Variants in YWHAQ observed in about 807,000 individuals in gnomAD.
YWHAQ encodes the protein tyrosine 3-monooxygenase/tryptophan 5-monooxygenase activation protein theta, also known as 14-3-3 protein theta.
In YWHAQ, 6 loss-of-function variants were observed where a neutral mutation model predicts 28.3. The observed-to-expected ratio is 0.21, with a 90% confidence interval of 0.12 to 0.42. The LOEUF is 0.42. Among genes scored for constraint, YWHAQ ranks in the 10% least tolerant of loss-of-function variants. The pLI, the probability that YWHAQ is intolerant of heterozygous loss-of-function variation, is 1.00. For synonymous variants in YWHAQ, 143 were observed against 119.1 expected (o/e 1.20, Z -1.31); for missense variants, 201 against 305.6 (o/e 0.66, Z 2.55).
rs376453415 is a variant in YWHAQ, at chr2:9,585,239, T to A, written c.*47A>T. On this transcript the variant is annotated 3_prime_UTR_variant, in exon 6 of 6. Transcript: ENST00000238081. ...CCAAGTGGAATAAGGAATGGAGATG[T>A]GTAAAAAGGTTTCTTGAAGGAAAGA... The A allele has an allele frequency of 9.4e-6, 15 of 1,601,774 alleles. No homozygotes were observed. The African/African-American group carries it at 1.9e-4, about 20-fold the overall frequency.
rs1666310380 is a variant in YWHAQ, at chr2:9,584,749, T to C, written c.*537A>G. ...ATGTGATACAGGAGCCATTTCAATT[T>C]GTGACCCCTAGACAGAGATGGCAAG... On this transcript the variant is annotated 3_prime_UTR_variant, in exon 6 of 6. Coordinates refer to ENST00000238081, the MANE Select transcript of YWHAQ (RefSeq NM_006826.4). 1 of 153,040 alleles carries C rather than the reference T, an allele frequency of 6.5e-6. No homozygotes were observed. Among genetic ancestry groups the C allele is most frequent in the Admixed American group, 6.5e-5 (1 of 15,326 alleles). 9.5% of individuals were successfully genotyped at this position (153,040 alleles called of 1,614,324 possible). A position where few individuals can be genotyped will look rare whatever the true frequency, so the allele number is the denominator to read the frequency against.
At chr2:9,619,595 A>C (rs1313931838) in intron 2 of YWHAQ, among the ~76,000 whole-genome samples, 1 of 152,140 alleles carries the variant, frequency 6.6e-6, no homozygotes, top group African/African-American at 2.4e-5. Context: ...ATGTAAAAAA[A>C]TTAAAAATAT....
At chr2:9,608,431 C>T (rs1043522826) in intron 2 of YWHAQ, among the ~76,000 whole-genome samples, 1 of 152,104 alleles carries the variant, frequency 6.6e-6, no homozygotes, top group Non-Finnish European at 1.5e-5. Flanking sequence ...TTTGGGGGTG[C>T]AGTCTCCCAT....
chr2:9,599,525 A>G (rs1666645534), intron 2 of YWHAQ, among the ~76,000 whole-genome samples: 2 of 152,216 alleles, frequency 1.3e-5, no homozygotes, highest in African/African-American at 4.8e-5. Flanking sequence ...CTCATTTAGC[A>G]TTCCAAAAAT....
At chr2:9,607,146 G>A in intron 2 of YWHAQ, among the ~76,000 whole-genome samples, 1 of 151,718 alleles carries the variant, frequency 6.6e-6, no homozygotes, top group East Asian at 1.9e-4. Flanking sequence ...CTTCCAAAGT[G>A]CTGGGATTAC....
intron 4 of YWHAQ, 130 bp downstream of exon 4, chr2:9,588,035 A>G: frequency 8.6e-7 from 1 of 1,160,806 alleles, no homozygotes; most frequent in Non-Finnish European, 1.2e-6. Flanking sequence ...TGGGAAGAAA[A>G]AGAGGAGATT....
intron 2 of YWHAQ, among the ~76,000 whole-genome samples, chr2:9,609,993 A>C (rs572230084): frequency 3.9e-4 from 60 of 152,336 alleles, no homozygotes; most frequent in African/African-American, 1.4e-3. Context: ...AGAAGTATGA[A>C]GAGGACACGT....
At chr2:9,607,900 C>T (rs539444574) in intron 2 of YWHAQ, among the ~76,000 whole-genome samples, 12 of 151,632 alleles carry the variant, frequency 7.9e-5, no homozygotes, top group Admixed American at 2.0e-4. Flanking sequence ...TTAGTAGAGA[C>T]GGGGTTTTCG....
chr2:9,623,379 C>T (rs907020042), intron 2 of YWHAQ, among the ~76,000 whole-genome samples: 2 of 152,234 alleles, frequency 1.3e-5, no homozygotes, highest in Admixed American at 6.5e-5. Flanking sequence ...AATTCCACTT[C>T]GAGAACTTAA....
intron 2 of YWHAQ, among the ~76,000 whole-genome samples, chr2:9,598,645 C>A (rs7569485): frequency 6.6e-6 from 1 of 151,884 alleles, no homozygotes; most frequent in Non-Finnish European, 1.5e-5. Flanking sequence ...TGGTCATTAA[C>A]GTTACTACTG....
Position 9,585,735 on chromosome 2 carries a change from C to T in YWHAQ, c.679-390G>A, listed in dbSNP as rs146402221. ...GCCTGGACAACATAGCAAGATCCCA[C>T]GTCTACAAAAAATTTCAAAAACAAA... On this transcript the variant is annotated intron_variant, in intron 5 of 5. Coordinates refer to ENST00000238081, the MANE Select transcript of YWHAQ (RefSeq NM_006826.4). Among the ~76,000 whole-genome samples, 322 of 152,080 alleles carry T rather than the reference C, an allele frequency of 2.1e-3. 2 individuals are homozygous for T. The highest frequency in any genetic ancestry group is 7.4e-3 in the African/African-American group (307 of 41,494).
chr2:9,623,616 A>C (rs1374348653), intron 2 of YWHAQ, among the ~76,000 whole-genome samples: 1 of 152,116 alleles, frequency 6.6e-6, no homozygotes, highest in Non-Finnish European at 1.5e-5. Context: ...TCTACTAAAA[A>C]TACAAAATTA....
intron 2 of YWHAQ, among the ~76,000 whole-genome samples, chr2:9,607,816 A>C (rs1304657149): frequency 6.6e-6 from 1 of 151,050 alleles, no homozygotes; most frequent in Non-Finnish European, 1.5e-5. Flanking sequence ...GGTTCAAGCA[A>C]TTCTCCTGCC....
chr2:9,586,596 C>T (rs2125061307), intron 5 of YWHAQ, among the ~76,000 whole-genome samples: 2 of 152,280 alleles, frequency 1.3e-5, no homozygotes, highest in Admixed American at 1.3e-4. Context: ...CCCTCACAAC[C>T]ACAGGCACTT....
At chr2:9,617,458 G>A (rs748674399) in intron 2 of YWHAQ, among the ~76,000 whole-genome samples, 4 of 152,120 alleles carry the variant, frequency 2.6e-5, no homozygotes, top group African/African-American at 7.2e-5. Context: ...GGTTGCCAGC[G>A]GGGAATGGAG....
At chr2:9,622,864 T>A (rs746957243) in intron 2 of YWHAQ, among the ~76,000 whole-genome samples, 22 of 152,254 alleles carry the variant, frequency 1.4e-4, no homozygotes, top group Non-Finnish European at 2.9e-4. Context: ...TAGCAATGGA[T>A]AAACTTTGCT....
At chr2:9,616,894 A>T (rs1347863426) in intron 2 of YWHAQ, among the ~76,000 whole-genome samples, 3 of 152,236 alleles carry the variant, frequency 2.0e-5, no homozygotes, top group Non-Finnish European at 2.9e-5. Flanking sequence ...TTAACAGCCT[A>T]AAGGTAGAAG....
chr2:9,615,392 C>G (rs193126422), intron 2 of YWHAQ: 11 of 136,434 alleles, frequency 8.1e-5, no homozygotes, highest in Middle Eastern at 3.8e-3. Flanking sequence ...TTTTTCAATT[C>G]AGAAAATAAT....
Position 9,585,206 on chromosome 2 carries a change from T to A in YWHAQ, c.*80A>T. On this transcript the variant is annotated 3_prime_UTR_variant, in exon 6 of 6. Transcript: ENST00000238081. ...TACACATGAATGGGTTTCTTTGCTA[T>A]AGGAAATCCAAGTGGAATAAGGAAT... 1 of 1,510,202 alleles carries A rather than the reference T, an allele frequency of 6.6e-7. No homozygotes were observed. Among genetic ancestry groups the A allele is most frequent in the African/African-American group, 1.4e-5 (1 of 72,870 alleles). 93.6% of individuals were successfully genotyped at this position (1,510,202 alleles called of 1,614,324 possible). A position where few individuals can be genotyped will look rare whatever the true frequency, so the allele number is the denominator to read the frequency against.
Sources: gnomAD v4.1 joint callset for allele counts (sites outside exome capture counted in the v4.1 genomes callset) on GRCh38, gnomAD v4.1.1 for gene constraint, MANE v1.5 for transcripts, NCBI Gene and HGNC (gene_info 2026-07-23, HGNC 2026-07-21) for gene names.